AP2A2: variants seen among roughly 807,000 people sequenced by gnomAD.
AP2A2 encodes adaptor related protein complex 2 subunit alpha 2, also known as AP-2 complex subunit alpha-2.
AP2A2 carries 32 observed loss-of-function variants against 104.2 expected under a neutral mutation model. The ratio of observed to expected loss-of-function variants is 0.31; its 90% CI spans 0.23 to 0.41. AP2A2 has a LOEUF of 0.41. Among genes scored for constraint, AP2A2 ranks in the 10% least tolerant of loss-of-function variants. The pLI is 1.00. For synonymous variants in AP2A2, 539 were observed against 533.3 expected, an observed-to-expected ratio of 1.01 and a Z score of -0.15; for missense variants, 912 against 1,261.0, an observed-to-expected ratio of 0.72 and a Z score of 4.19.
At chr11:1,010,079 C>T in intron 21 of AP2A2, 2 of 508,538 alleles carry the variant, frequency 3.9e-6, no homozygotes. Context: ...TGGTTGCATC[C>T]CAGCCTCCCC....
At chr11:999,769 C>CAGTT (rs1307154541) in intron 14 of AP2A2, among the ~76,000 whole-genome samples, 5 of 151,164 alleles carry the variant, frequency 3.3e-5, no homozygotes, top group Non-Finnish European at 5.9e-5. Flanking sequence ...TCTTATTGGA[C>CAGTT]AGTTGGCAGT....
intron 20 of AP2A2, 105 bp from the exon 21 acceptor site, chr11:1,009,578 A>G: frequency 9.5e-7 from 1 of 1,054,672 alleles, no homozygotes; most frequent in Non-Finnish European, 1.3e-6. Context: ...GCCCCGGGGG[A>G]CACGCAGCCC....
chr11:927,120 G>A (rs540830346), intron 1 of AP2A2, among the ~76,000 whole-genome samples: 27 of 152,186 alleles, frequency 1.8e-4, no homozygotes, highest in Non-Finnish European at 2.8e-4. Flanking sequence ...AGGCTGGAGC[G>A]CAGTAGTTCC....
chr11:959,468 A>C lies in AP2A2; in HGVS notation c.99A>C (p.Ile33=). The C allele has an allele frequency of 6.4e-7, 1 of 1,559,058 alleles. No individual in the cohort carries two copies. Among genetic ancestry groups the C allele is most frequent in the East Asian group, 2.2e-5 (1 of 44,564 alleles). ...GTAAAGAAGCAGAAATAAAAAGGAT[A>C]AACAAGGAACTGGCAAATATCAGAT... The part of the protein sequence containing the change: ...CKSKEAEIKR[I]NKELANIRSK... Residue 33 remains isoleucine, a synonymous_variant, in exon 2 of 22, where the codon ATA becomes ATC. Coordinates refer to ENST00000448903, the MANE Select transcript of AP2A2 (RefSeq NM_012305.4).
At chr11:940,919 C>G (rs763284117) in intron 1 of AP2A2, 1 of 456,066 alleles carries the variant, frequency 2.2e-6, no homozygotes, top group Admixed American at 2.3e-5. Context: ...GTTGTGAGCC[C>G]GGCTGCCATC....
rs7128126 is a variant in AP2A2 at position 958,384 on chromosome 11, C to T, written c.68-1053C>T. On this transcript the variant is annotated intron_variant, in intron 1 of 21. Transcript: ENST00000448903. ...TGGCAGCCGGAGCAGACTAAGGGAC[C>T]TGTAGCCCTGACATTCCATCATTTT... 7.9e-3 allele frequency among the ~76,000 whole-genome samples: 1,201 copies of T among 152,336 alleles called. 24 individuals carry two copies. The highest frequency in any genetic ancestry group is 0.028 in the African/African-American group (1,147 of 41,582).
intron 2 of AP2A2, among the ~76,000 whole-genome samples, chr11:965,714 T>C (rs1425315136): frequency 6.6e-6 from 1 of 152,230 alleles, no homozygotes; most frequent in African/African-American, 2.4e-5. Context: ...AAGAAATCAG[T>C]GCTTATGTGC....
chr11:931,150 T>TC (rs1173699650), intron 1 of AP2A2, among the ~76,000 whole-genome samples: 1 of 152,190 alleles, frequency 6.6e-6, no homozygotes, highest in Non-Finnish European at 1.5e-5. Flanking sequence ...ATTGCTTTTT[T>TC]CCCCCTCAGT....
At chr11:983,524 A>C (rs1855329510) in intron 6 of AP2A2, among the ~76,000 whole-genome samples, 2 of 151,984 alleles carry the variant, frequency 1.3e-5, no homozygotes, top group Non-Finnish European at 2.9e-5. Flanking sequence ...CTGGGACTAC[A>C]GGCGCCCGCC....
chr11:932,021 G>A (rs1269610084), intron 1 of AP2A2, among the ~76,000 whole-genome samples: 10 of 151,612 alleles, frequency 6.6e-5, no homozygotes. Flanking sequence ...GGATGATCTC[G>A]ATCTCCTGAC....
intron 2 of AP2A2, among the ~76,000 whole-genome samples, chr11:962,313 T>C (rs1296334191): frequency 1.3e-5 from 2 of 152,242 alleles, no homozygotes; most frequent in African/African-American, 2.4e-5. Context: ...ATTTTGTTAT[T>C]GTGAAAAGAG....
At position 977,186 on chromosome 11, in the gene AP2A2, A is replaced by T; in HGVS notation, c.565A>T (p.Thr189Ser). The change falls in exon 5 of 22, where the codon ACA (threonine) becomes TCA (serine). Residue 189 changes from threonine to serine, a missense_variant. Coordinates refer to ENST00000448903, the MANE Select transcript of AP2A2 (RefSeq NM_012305.4). The part of the protein sequence containing the change: ...SPDLVPMGDW[T>S]SRVVHLLNDQ... ...CGATCTTGTCCCCATGGGCGACTGG[A>T]CATCCCGAGTGGTGCACCTGCTCAA... The T allele has an allele frequency of 6.2e-7, 1 of 1,611,500 alleles. No homozygotes were observed. Among genetic ancestry groups the T allele is most frequent in the Non-Finnish European group, 8.5e-7 (1 of 1,178,386 alleles).
rs1853628460 is a variant in AP2A2, at chr11:941,022, G to C, written c.67+14934G>C. The C allele has an allele frequency of 5.6e-5, 23 of 410,184 alleles. 1 individual carries two copies. The highest frequency in any genetic ancestry group is 3.8e-4 in the South Asian group (22 of 57,430). The allele number at this position is 410,184 out of a possible 1,614,324, so 25.4% of individuals were successfully genotyped here. ...CTTGCTCCACACTCCGTGGAGCTCG[G>C]AGCTTTTGTGTTCTCACTTTTCCAG... On this transcript the variant is annotated intron_variant, in intron 1 of 21. Transcript: ENST00000448903.
At chr11:937,316 A>T (rs1468397759) in intron 1 of AP2A2, among the ~76,000 whole-genome samples, 1 of 151,962 alleles carries the variant, frequency 6.6e-6, no homozygotes, top group Non-Finnish European at 1.5e-5. Flanking sequence ...CACCGTGCCC[A>T]GCCTATTGTT....
chr11:981,317 G>A lies in AP2A2; in HGVS notation c.705+18G>A, dbSNP rs757911196. The stretch of plus-strand genomic sequence containing the variant: ...TAAGCAGAGTAAGTCTGTTCGTGGG[G>A]GAGCAGAAGTCAGGGTGGGTTTTGT... On this transcript the variant is annotated intron_variant, in intron 6 of 21. Coordinates refer to ENST00000448903, the MANE Select transcript of AP2A2 (RefSeq NM_012305.4). 3.2e-6 allele frequency: 5 copies of A among 1,567,704 alleles called. No individual in the cohort carries two copies. Among genetic ancestry groups the A allele is most frequent in the Non-Finnish European group, 3.5e-6 (4 of 1,140,924 alleles).
chr11:1,004,953 T>TA (rs1341015855), intron 16 of AP2A2, among the ~76,000 whole-genome samples: 1 of 152,100 alleles, frequency 6.6e-6, no homozygotes, highest in Non-Finnish European at 1.5e-5. Flanking sequence ...AAGATGGAAT[T>TA]ACTCTGTGAC....
intron 1 of AP2A2, among the ~76,000 whole-genome samples, chr11:928,600 G>A (rs1265532268): frequency 6.6e-6 from 1 of 152,250 alleles, no homozygotes; most frequent in African/African-American, 2.4e-5. Context: ...AGCACCAGTT[G>A]CCTTAGTTGT....
At chr11:958,566 A>G (rs10902249) in intron 1 of AP2A2, among the ~76,000 whole-genome samples, 77,189 of 152,068 alleles carry the variant, frequency 0.51, 20,208 homozygotes, top group Middle Eastern at 0.66. Context: ...ATAGGTTGTA[A>G]TGTCTATCAA....
In AP2A2 at chr11:1,010,898, C is replaced by A. The variant is rs1386796611; in HGVS notation, c.*273C>A. On this transcript the variant is annotated 3_prime_UTR_variant, in exon 22 of 22. Coordinates refer to ENST00000448903, the MANE Select transcript of AP2A2 (RefSeq NM_012305.4). The stretch of plus-strand genomic sequence containing the variant: ...AATCGAGACAGTTCTGTGGTTAAAT[C>A]TACAAATTAAAGGGAAATTAGAAGT... The A allele has an allele frequency of 3.8e-5, 25 of 659,840 alleles. No individual in the cohort carries two copies. The highest frequency in any genetic ancestry group is 6.3e-5 in the Non-Finnish European group (23 of 367,134). 40.9% of individuals were successfully genotyped at this position (659,840 alleles called of 1,614,324 possible).
Sources: gnomAD v4.1 joint callset for allele counts (sites outside exome capture counted in the v4.1 genomes callset) on GRCh38, gnomAD v4.1.1 for gene constraint, MANE v1.5 for transcripts, NCBI Gene and HGNC (gene_info 2026-07-23, HGNC 2026-07-21) for gene names.